Variants in NFKBIL1 observed in about 807,000 individuals in gnomAD.
The protein encoded by NFKBIL1 is NF-kappa-B inhibitor-like protein 1.
A neutral mutation model predicts 45.4 loss-of-function variants in NFKBIL1; 30 were observed. The ratio of observed to expected loss-of-function variants is 0.66; its 90% CI spans 0.49 to 0.90. NFKBIL1 has a LOEUF of 0.90. Among genes scored for constraint, NFKBIL1 ranks in the 40% least tolerant of loss-of-function variants. The probability of loss-of-function intolerance (pLI) is 0.00; values close to 1 mark genes in which losing one functional copy is unlikely to be tolerated. For synonymous variants in NFKBIL1, 179 were observed against 197.3 expected (o/e 0.91, Z 0.78); for missense variants, 434 against 513.4 (o/e 0.85, Z 1.49).
chr6:31,550,002 C>G (rs1769338355), intron 2 of NFKBIL1, among the ~76,000 whole-genome samples: 1 of 152,068 alleles, frequency 6.6e-6, no homozygotes, highest in Non-Finnish European at 1.5e-5. Context: ...GAGTTCGAGA[C>G]CAGCCTGACC....
intron 2 of NFKBIL1, among the ~76,000 whole-genome samples, chr6:31,550,479 T>C (rs1268393914): frequency 6.6e-6 from 1 of 151,742 alleles, no homozygotes; most frequent in African/African-American, 2.4e-5. Context: ...GATTTGTTTC[T>C]TGTTGTTTTT....
intron 2 of NFKBIL1, among the ~76,000 whole-genome samples, chr6:31,552,685 CTTTTTTTTTTTTTTTTTT>C (rs9279343): frequency 1.8e-5 from 1 of 55,558 alleles, no homozygotes; most frequent in African/African-American, 7.8e-5. Flanking sequence ...GGCGGCATTT[CTTTTTTTTTTTTTTTTTT>C]TTTTTTTTTG....
In NFKBIL1 at chr6:31,558,047, A is replaced by G; in HGVS notation, c.582A>G (p.Glu194=). 6.2e-7 allele frequency: 1 copy of G among 1,609,668 alleles called. No individual in the cohort carries two copies. The highest frequency in any genetic ancestry group is 8.5e-7 in the Non-Finnish European group (1 of 1,177,982). ...GTGATGCCTCCCATGAAACCCAGGA[A>G]CCTGAGTCCTTCTCAGCCTGGTCAG... is the stretch of plus-strand genomic sequence containing the variant. ...FEGDASHETQ[E]PESFSAWSDR... is the part of the protein sequence containing the mutation. The change falls in exon 4 of 4, where the codon GAA becomes GAG. Residue 194 remains glutamate (E), a synonymous_variant. Transcript: ENST00000376148. This position sits in a 1 kb window ranked among gnomAD's most constrained non-coding sequence, Gnocchi z 7.2.
rs761092421 is a variant in NFKBIL1 at position 31,557,985 on chromosome 6, C to G, written c.557-37C>G. ...TTGGGGCCCATCACCTTCTCACAGCCTCTCTCCAACTACCCCCATCCCACC... is the reference window on the plus strand; with the variant it reads ...TTGGGGCCCATCACCTTCTCACAGCGTCTCTCCAACTACCCCCATCCCACC... On this transcript the variant is annotated intron_variant, in intron 3 of 3. Transcript: ENST00000376148. The surrounding 1 kb of genome is among the most constrained non-coding windows in gnomAD (Gnocchi z 5.4). 1 of 1,519,812 alleles carries G rather than the reference C, an allele frequency of 6.6e-7. No individual in the cohort carries two copies. The highest frequency in any genetic ancestry group is 8.9e-7 in the Non-Finnish European group (1 of 1,123,166). The allele number at this position is 1,519,812 out of a possible 1,614,324, so 94.1% of individuals were successfully genotyped here. A position where few individuals can be genotyped will look rare whatever the true frequency, so the allele number is the denominator to read the frequency against.
chr6:31,557,807 G>A lies in NFKBIL1; in HGVS notation c.514G>A (p.Glu172Lys). ...GGAATGGAGACAGAAGCTCCAGGGT[G>A]AGCTGGAGGACGAGTGGCAGGAAGT... ...EREWRQKLQG[E>K]LEDEWQEVMG... The change falls in exon 3 of 4, where the codon GAG (glutamate) becomes AAG (lysine). Residue 172 changes from glutamate to lysine, a missense_variant. Around this residue, in one of 4 missense-constraint regions of NFKBIL1, gnomAD observed 231 missense variants for 264.1 expected, o/e 0.87. Transcript: ENST00000376148. The surrounding 1 kb of genome is among the most constrained non-coding windows in gnomAD (Gnocchi z 5.4). 6.2e-6 allele frequency: 10 copies of A among 1,608,530 alleles called. No homozygotes were observed. The highest frequency in any genetic ancestry group is 1.7e-5 in the Admixed American group (1 of 59,430).
intron 2 of NFKBIL1, among the ~76,000 whole-genome samples, chr6:31,553,525 G>C (rs2255798): frequency 0.1 from 15,869 of 152,056 alleles, 963 homozygotes; most frequent in Non-Finnish European, 0.13. Flanking sequence ...GCGGTATCAC[G>C]GTAAACTACC....
rs1191097966 is a variant in NFKBIL1 at position 31,548,358 on chromosome 6, C to T, written c.253C>T (p.Leu85Phe). The change falls in exon 2 of 4, where the codon CTT becomes TTT. Residue 85 changes from leucine (L) to phenylalanine (F), a missense_variant. This residue lies in a region of NFKBIL1 where 231 missense variants were observed against 264.1 expected (regional missense o/e 0.87). Coordinates refer to ENST00000376148, the MANE Select transcript of NFKBIL1 (RefSeq NM_005007.4). ...RHDAPALCLL[L>F]RLGADPAHQD... is the part of the protein sequence containing the mutation. ...CGATGCCCCTGCCCTGTGCCTGCTG[C>T]TTCGGCTCGGGGCTGACCCTGCCCA... 6.3e-7 allele frequency: 1 copy of T among 1,590,214 alleles called. No homozygotes were observed. Among genetic ancestry groups the T allele is most frequent in the Non-Finnish European group, 8.6e-7 (1 of 1,169,174 alleles).
At chr6:31,548,975 G>A (rs1769278296) in intron 2 of NFKBIL1, among the ~76,000 whole-genome samples, 1 of 152,206 alleles carries the variant, frequency 6.6e-6, no homozygotes, top group South Asian at 2.1e-4. Flanking sequence ...AGGAAACAGG[G>A]CATAGAGAAG....
rs2150369855 is a variant in NFKBIL1 at position 31,558,428 on chromosome 6, C to T, written c.963C>T (p.Gly321=). 1 of 1,550,714 alleles carries T rather than the reference C, an allele frequency of 6.4e-7. No homozygotes were observed. The highest frequency in any genetic ancestry group is 8.7e-7 in the Non-Finnish European group (1 of 1,147,054). Reference sequence around the variant, plus strand: ...TGGCTGCAGCCCTGGTGGCCAGGGGCCCCCCTTTGGAGGAACAGGGGGCTC... The same window carrying T: ...TGGCTGCAGCCCTGGTGGCCAGGGGTCCCCCTTTGGAGGAACAGGGGGCTC... ...EAMAAALVAR[G]PPLEEQGALR... Residue 321 remains glycine (G), a synonymous_variant, in exon 4 of 4, where the codon GGC becomes GGT. Transcript: ENST00000376148. The surrounding 1 kb of genome is among the most constrained non-coding windows in gnomAD (Gnocchi z 7.2).
At position 31,558,344 on chromosome 6, in the gene NFKBIL1, C is replaced by A; in HGVS notation, c.879C>A (p.Ser293Arg). ...ACCCCAGAGGAGCGGGGAGGGGCAG[C>A]CTCTGGCGATTTGGTGATGTGCCCT... ...EEHPRGAGRG[S>R]LWRFGDVPWP... is the part of the protein sequence containing the mutation. The change falls in exon 4 of 4, where the codon AGC (serine) becomes AGA (arginine). Residue 293 changes from serine (S) to arginine (R), a missense_variant. Physicochemically the swap from Ser to Arg is moderately radical, Grantham distance 110 (BLOSUM62 -1). Coordinates refer to ENST00000376148, the MANE Select transcript of NFKBIL1 (RefSeq NM_005007.4). The surrounding 1 kb of genome is among the most constrained non-coding windows in gnomAD (Gnocchi z 7.2). 1 of 1,555,866 alleles carries A rather than the reference C, an allele frequency of 6.4e-7. No individual in the cohort carries two copies. The highest frequency in any genetic ancestry group is 1.9e-5 in the Admixed American group (1 of 51,816).
Position 31,557,245 on chromosome 6 carries a change from C to T in NFKBIL1, c.335-383C>T, listed in dbSNP as rs1769794112. Among the ~76,000 whole-genome samples, 1 of 151,214 alleles carries T rather than the reference C, an allele frequency of 6.6e-6. No homozygotes were observed. Among genetic ancestry groups the T allele is most frequent in the African/African-American group, 2.5e-5 (1 of 40,710 alleles). On this transcript the variant is annotated intron_variant, in intron 2 of 3. Transcript: ENST00000376148. This position sits in a 1 kb window ranked among gnomAD's most constrained non-coding sequence, Gnocchi z 5.4. ...GCCTCAGCCTGCCGAGTAGCTGGGA[C>T]TGCAGGCGCCCGCCACCAGGCCTGG...
chr6:31,555,749 G>A (rs1343571886), intron 2 of NFKBIL1, among the ~76,000 whole-genome samples: 4 of 148,686 alleles, frequency 2.7e-5, no homozygotes, highest in African/African-American at 9.8e-5. Flanking sequence ...CAAGTAGCTG[G>A]GATTACAGGC....
At chr6:31,553,152 C>T (rs899929482) in intron 2 of NFKBIL1, among the ~76,000 whole-genome samples, 2 of 150,600 alleles carry the variant, frequency 1.3e-5, no homozygotes, top group East Asian at 3.9e-4. Flanking sequence ...AGCAATTCTC[C>T]TGCCTCAGCC....
chr6:31,548,239 G>A lies in NFKBIL1; in HGVS notation c.134G>A (p.Arg45Gln). ...RRFRRYLSAG[R>Q]LVRAQALLQR... ...TTTCGTCGTTACTTGTCTGCAGGACGGCTGGTCCGGGCCCAGGCCCTCCTC... is the reference window on the plus strand; with the variant it reads ...TTTCGTCGTTACTTGTCTGCAGGACAGCTGGTCCGGGCCCAGGCCCTCCTC... The change falls in exon 2 of 4, where the codon CGG becomes CAG. Residue 45 changes from arginine to glutamine, a missense_variant. By Grantham distance (43) the Arg-to-Gln change is conservative (BLOSUM62 1). This residue lies in a region of NFKBIL1 where 231 missense variants were observed against 264.1 expected (regional missense o/e 0.87). Coordinates refer to ENST00000376148, the MANE Select transcript of NFKBIL1 (RefSeq NM_005007.4). 1 of 1,613,110 alleles carries A rather than the reference G, an allele frequency of 6.2e-7. No homozygotes were observed. Among genetic ancestry groups the A allele is most frequent in the African/African-American group, 1.3e-5 (1 of 75,070 alleles).
Position 31,557,925 on chromosome 6 carries a change from G to C in NFKBIL1, c.556+76G>C. ...CATCTGCATGAATGCGTCACACTAG[G>C]CTCCTCTGCCCCCTCCTCTGTGCTT... On this transcript the variant is annotated intron_variant, in intron 3 of 3. Transcript: ENST00000376148. This position sits in a 1 kb window ranked among gnomAD's most constrained non-coding sequence, Gnocchi z 5.4. The C allele has an allele frequency of 6.7e-7, 1 of 1,499,806 alleles. No individual in the cohort carries two copies. The highest frequency in any genetic ancestry group is 9.0e-7 in the Non-Finnish European group (1 of 1,108,422). 92.9% of individuals were successfully genotyped at this position (1,499,806 alleles called of 1,614,324 possible). A position where few individuals can be genotyped will look rare whatever the true frequency, so the allele number is the denominator to read the frequency against.
intron 2 of NFKBIL1, among the ~76,000 whole-genome samples, chr6:31,555,171 C>T (rs1028550998): frequency 6.6e-6 from 1 of 151,796 alleles, no homozygotes; most frequent in Non-Finnish European, 1.5e-5. Flanking sequence ...GGGGAAAAGC[C>T]ACCTACAGCC....
chr6:31,551,781 T>C (rs1001958229), intron 2 of NFKBIL1, among the ~76,000 whole-genome samples: 1 of 151,678 alleles, frequency 6.6e-6, no homozygotes, highest in Non-Finnish European at 1.5e-5. Flanking sequence ...TTTTATTTAT[T>C]AATTTTTAAA....
chr6:31,554,228 G>T (rs1470999253), intron 2 of NFKBIL1, among the ~76,000 whole-genome samples: 1 of 152,124 alleles, frequency 6.6e-6, no homozygotes, highest in Non-Finnish European at 1.5e-5. Context: ...AACACAGTGA[G>T]ACCTGGTCTG....
At position 31,558,004 on chromosome 6, in the gene NFKBIL1, TC is replaced by T; in HGVS notation, c.557-15del. 3.2e-6 allele frequency: 2 copies of T among 624,960 alleles called. No homozygotes were observed. Among genetic ancestry groups the T allele is most frequent in the Non-Finnish European group, 5.5e-6 (2 of 363,272 alleles). 38.7% of individuals were successfully genotyped at this position (624,960 alleles called of 1,614,324 possible). ...CACAGCCTCTCTCCAACTACCCCCA[TC>T]CCACCCTCCCAAACAGGTGATGCCT... is the stretch of plus-strand genomic sequence containing the variant. On this transcript the variant is annotated splice_polypyrimidine_tract_variant and intron_variant, in intron 3 of 3. Transcript: ENST00000376148. The surrounding 1 kb of genome is among the most constrained non-coding windows in gnomAD (Gnocchi z 7.2).
Sources: gnomAD v4.1 joint callset for allele counts (sites outside exome capture counted in the v4.1 genomes callset) on GRCh38, gnomAD v4.1.1 for gene constraint, gnomAD v4.1.1 regional missense constraint, Gnocchi (gnomAD v3.1) non-coding constraint, MANE v1.5 for transcripts, NCBI Gene and HGNC (gene_info 2026-07-23, HGNC 2026-07-21) for gene names.